The following BMP5 variants were observed in gnomAD, a reference collection of about 807,000 sequenced individuals.
BMP5 encodes the protein bone morphogenetic protein 5.
A neutral mutation model predicts 46.6 loss-of-function variants in BMP5; 23 were observed. The observed-to-expected ratio is 0.49, with a 90% CI of 0.35 to 0.70. The LOEUF is 0.70. Among genes scored for constraint, BMP5 ranks in the 30% least tolerant of loss-of-function variants. BMP5 has a pLI of 0.00. For synonymous variants in BMP5, 204 were observed against 191.9 expected (o/e 1.06, Z -0.52); for missense variants, 545 against 565.6 (o/e 0.96, Z 0.37).
intron 2 of BMP5, among the ~76,000 whole-genome samples, chr6:55,807,600 C>T (rs1007063733): frequency 6.6e-6 from 1 of 152,102 alleles, no homozygotes; most frequent in Non-Finnish European, 1.5e-5. Flanking sequence ...GGACTCATCC[C>T]TTTTCAATTG....
Position 55,774,250 on chromosome 6 carries a change from C to A in BMP5, c.833-7G>T, listed in dbSNP as rs199557041. On this transcript the variant is annotated splice_polypyrimidine_tract_variant and splice_region_variant and intron_variant, in intron 3 of 6. Transcript: ENST00000370830. ...TTTACGTTGATACTGCGTCCTAGAA[C>A]GTAATACAAAAGCACTTGGTTTATG... is the stretch of plus-strand genomic sequence containing the variant. 1 of 1,611,844 alleles carries A rather than the reference C, an allele frequency of 6.2e-7. No individual in the cohort carries two copies. Among genetic ancestry groups the A allele is most frequent in the Non-Finnish European group, 8.5e-7 (1 of 1,178,568 alleles).
chr6:55,815,523 G>GAGT (rs1776238771), intron 2 of BMP5, among the ~76,000 whole-genome samples: 1 of 152,132 alleles, frequency 6.6e-6, no homozygotes, highest in Non-Finnish European at 1.5e-5. Context: ...AAAAATATCA[G>GAGT]TGAAATCCTA....
rs1255133290 is a variant in BMP5 at position 55,774,032 on chromosome 6, C to T, written c.1027+17G>A. 4 of 1,611,320 alleles carry T rather than the reference C, an allele frequency of 2.5e-6. No homozygotes were observed. The South Asian group carries it at 4.4e-5, about 18-fold the overall frequency. On this transcript the variant is annotated intron_variant, in intron 4 of 6. Coordinates refer to ENST00000370830, the MANE Select transcript of BMP5 (RefSeq NM_021073.4). ...CATAACTCTCTGTGCATAACTGCTG[C>T]TCGGGTTTATTCTTACCTCCAACAC...
chr6:55,828,547 C>G (rs1405431064), intron 1 of BMP5, among the ~76,000 whole-genome samples: 1 of 151,646 alleles, frequency 6.6e-6, no homozygotes, highest in African/African-American at 2.4e-5. Context: ...CTAAGTATAT[C>G]AATAGTTGGA....
chr6:55,774,021 C>T (rs1310350851), intron 4 of BMP5, 28 bp downstream of exon 4: 2 of 1,608,716 alleles, frequency 1.2e-6, no homozygotes, highest in East Asian at 2.2e-5. Context: ...ACTCTCTGTG[C>T]ATAACTGCTG....
At chr6:55,817,989 A>T (rs978080127) in intron 2 of BMP5, among the ~76,000 whole-genome samples, 4 of 152,164 alleles carry the variant, frequency 2.6e-5, no homozygotes, top group Non-Finnish European at 4.4e-5. Context: ...GGTAGAGACA[A>T]AAGTCTTTGT....
intron 1 of BMP5, among the ~76,000 whole-genome samples, chr6:55,853,176 A>G (rs981792890): frequency 3.8e-5 from 5 of 130,196 alleles, no homozygotes; most frequent in Non-Finnish European, 6.4e-5. Context: ...ATAAAATAAA[A>G]TAAAATAAAA....
chr6:55,863,277 T>C (rs1777566234), intron 1 of BMP5, among the ~76,000 whole-genome samples: 1 of 152,204 alleles, frequency 6.6e-6, no homozygotes, highest in Admixed American at 6.6e-5. Context: ...AAGCCATTAT[T>C]ATTGTTGTTG....
At chr6:55,870,437 C>A (rs533152777) in intron 1 of BMP5, among the ~76,000 whole-genome samples, 1 of 151,980 alleles carries the variant, frequency 6.6e-6, no homozygotes, top group African/African-American at 2.4e-5. Context: ...GTTGCTTTAC[C>A]CATTATTAGC....
At chr6:55,765,270 G>C (rs916959813) in intron 4 of BMP5, among the ~76,000 whole-genome samples, 5 of 151,940 alleles carry the variant, frequency 3.3e-5, no homozygotes, top group African/African-American at 1.2e-4. Flanking sequence ...GTTTATTAAA[G>C]GGATGAAACA....
At chr6:55,797,928 T>C (rs1775757011) in intron 2 of BMP5, among the ~76,000 whole-genome samples, 1 of 152,174 alleles carries the variant, frequency 6.6e-6, no homozygotes, top group South Asian at 2.1e-4. Flanking sequence ...TTTCTAAGGC[T>C]GTCATAACAA....
chr6:55,857,426 C>A (rs1443730048), intron 1 of BMP5, among the ~76,000 whole-genome samples: 1 of 152,112 alleles, frequency 6.6e-6, no homozygotes, highest in Non-Finnish European at 1.5e-5. Context: ...TGCAGCCATA[C>A]TTTCGCACTC....
chr6:55,776,633 A>G (rs931929024), intron 3 of BMP5, among the ~76,000 whole-genome samples: 1 of 151,948 alleles, frequency 6.6e-6, no homozygotes, highest in African/African-American at 2.4e-5. Flanking sequence ...TAACTTGTAT[A>G]CATTGATGAC....
chr6:55,754,274 A>G lies in BMP5; in HGVS notation c.*1259T>C, dbSNP rs2127513163. The G allele has an allele frequency of 6.6e-6, 1 of 151,958 alleles. No homozygotes were observed. Among genetic ancestry groups the G allele is most frequent in the East Asian group, 1.9e-4 (1 of 5,136 alleles). The allele number at this position is 151,958 out of a possible 1,614,324, so 9.4% of individuals were successfully genotyped here. A position where few individuals can be genotyped will look rare whatever the true frequency, so the allele number is the denominator to read the frequency against. On this transcript the variant is annotated 3_prime_UTR_variant, in exon 7 of 7. Transcript: ENST00000370830. ...AAGGCCTTAGAGGGCATTCTAATAG[A>G]TAGAGAAAATAAATTAATTTTAGAG...
At chr6:55,787,494 T>A (rs1213716295) in intron 3 of BMP5, among the ~76,000 whole-genome samples, 1 of 151,692 alleles carries the variant, frequency 6.6e-6, no homozygotes, top group Non-Finnish European at 1.5e-5. Context: ...AAACTGAGTT[T>A]AACAGAATAC....
chr6:55,825,959 G>C (rs909567240), intron 1 of BMP5, among the ~76,000 whole-genome samples: 2 of 151,754 alleles, frequency 1.3e-5, no homozygotes, highest in African/African-American at 2.4e-5. Context: ...ATTACTCATA[G>C]AATTATTACT....
intron 1 of BMP5, among the ~76,000 whole-genome samples, chr6:55,822,415 G>A (rs1776431082): frequency 6.6e-6 from 1 of 152,106 alleles, no homozygotes; most frequent in South Asian, 2.1e-4. Flanking sequence ...GTCATGTGTT[G>A]GCCTAGGTGG....
chr6:55,801,606 G>A (rs1416786088), intron 2 of BMP5, among the ~76,000 whole-genome samples: 2 of 152,180 alleles, frequency 1.3e-5, no homozygotes, highest in Non-Finnish European at 2.9e-5. Flanking sequence ...TTAGCTCTAG[G>A]AATGCATAAG....
chr6:55,859,533 A>C (rs1422782444), intron 1 of BMP5, among the ~76,000 whole-genome samples: 1 of 152,224 alleles, frequency 6.6e-6, no homozygotes, highest in Non-Finnish European at 1.5e-5. Context: ...CAAAAACTTA[A>C]AAATCAAGAA....
Sources: gnomAD v4.1 joint callset for allele counts (sites outside exome capture counted in the v4.1 genomes callset) on GRCh38, gnomAD v4.1.1 for gene constraint, MANE v1.5 for transcripts, NCBI Gene and HGNC (gene_info 2026-07-23, HGNC 2026-07-21) for gene names.